The following MTHFD1L variants were observed in gnomAD, a reference collection of about 807,000 sequenced individuals.
The protein encoded by MTHFD1L is methylenetetrahydrofolate dehydrogenase (NADP+ dependent) 1 like.
Under a neutral mutation model 119.5 loss-of-function variants are expected in MTHFD1L, and 81 were observed. The ratio of observed to expected loss-of-function variants is 0.68; its 90% confidence interval spans 0.57 to 0.82. MTHFD1L has a LOEUF of 0.82. Ranked by LOEUF, MTHFD1L falls within the 40% of genes least tolerant of loss-of-function variation. MTHFD1L has a pLI of 0.00. For missense variants in MTHFD1L, 1,125 were observed against 1,253.4 expected, an observed-to-expected ratio of 0.90 and a Z score of 1.55; for synonymous variants, 430 against 475.2, an observed-to-expected ratio of 0.90 and a Z score of 1.24.
intron 26 of MTHFD1L, among the ~76,000 whole-genome samples, chr6:151,078,052 CAAAAA>C (rs71014538): frequency 6.2e-4 from 37 of 59,936 alleles, no homozygotes; most frequent in South Asian, 1.0e-3. Context: ...GACTCTGTCT[CAAAAA>C]AAAAAAAAAA....
At chr6:150,935,081 A>G in intron 11 of MTHFD1L, 2 of 1,613,966 alleles carry the variant, frequency 1.2e-6, no homozygotes, top group Non-Finnish European at 1.7e-6. Flanking sequence ...TGTCTTATAC[A>G]GGCTGCAGTT....
chr6:150,942,511 A>T (rs988973399), intron 13 of MTHFD1L, among the ~76,000 whole-genome samples: 2 of 152,190 alleles, frequency 1.3e-5, no homozygotes, highest in Non-Finnish European at 2.9e-5. Context: ...CCCTAAGGAA[A>T]AAATGAATGT....
Position 150,926,688 on chromosome 6 carries a change from A to G in MTHFD1L, c.1256+393A>G, listed in dbSNP as rs1173915387. Among the ~76,000 whole-genome samples, 2 of 152,182 alleles carry G rather than the reference A, an allele frequency of 1.3e-5. No individual in the cohort carries two copies. Among genetic ancestry groups the G allele is most frequent in the African/African-American group, 2.4e-5 (1 of 41,450 alleles). ...ATATTTTCGTGGAAAAGGTACAGAT[A>G]ATCATATGAAACATGTTTTCCTGTT... On this transcript the variant is annotated intron_variant, in intron 11 of 27. Coordinates refer to ENST00000367321, the MANE Select transcript of MTHFD1L (RefSeq NM_015440.5). The surrounding 1 kb of genome is among the most constrained non-coding windows in gnomAD (Gnocchi z 4.3).
intron 8 of MTHFD1L, among the ~76,000 whole-genome samples, chr6:150,909,281 A>AAC (rs201613382): frequency 2.0e-5 from 3 of 151,422 alleles, no homozygotes; most frequent in Non-Finnish European, 2.9e-5. Flanking sequence ...AAAAAAAAAA[A>AAC]GACAACCAAA....
At chr6:150,913,504 C>G (rs987955266) in intron 8 of MTHFD1L, among the ~76,000 whole-genome samples, 18 of 151,984 alleles carry the variant, frequency 1.2e-4, no homozygotes, top group Non-Finnish European at 2.2e-4. Flanking sequence ...CGAGGTTTCA[C>G]CAGGTTGCTC....
Position 150,906,455 on chromosome 6 carries a change from C to T in MTHFD1L, c.892+694C>T, listed in dbSNP as rs187232650. Among the ~76,000 whole-genome samples the T allele has an allele frequency of 3.2e-3, 485 of 152,276 alleles. 1 individual carries two copies. The highest frequency in any genetic ancestry group is 5.1e-3 in the Non-Finnish European group (349 of 68,028). ...CCAGAGTGGGTTCCTTTTTCCAGTT[C>T]GTAGAAGGACTGAGGCTAAGAAAGC... On this transcript the variant is annotated intron_variant, in intron 8 of 27. Transcript: ENST00000367321.
At chr6:151,016,228 T>G (rs1450746776) in intron 24 of MTHFD1L, among the ~76,000 whole-genome samples, 1 of 152,170 alleles carries the variant, frequency 6.6e-6, no homozygotes, top group Non-Finnish European at 1.5e-5. Flanking sequence ...AGGAGGTACT[T>G]TAGCGAACAG....
intron 21 of MTHFD1L, among the ~76,000 whole-genome samples, chr6:151,010,782 C>A (rs1782100092): frequency 6.6e-6 from 1 of 151,392 alleles, no homozygotes; most frequent in South Asian, 2.1e-4. Flanking sequence ...AATAAAATTT[C>A]TCTATCATAA....
At position 151,059,420 on chromosome 6, in the gene MTHFD1L, G is replaced by A. The variant is rs1208159347; in HGVS notation, c.2847+22303G>A. On this transcript the variant is annotated intron_variant, in intron 26 of 27. Transcript: ENST00000367321. ...TCGAACTCCTGACCTCAGGTGATCC[G>A]CTCACCTCAGCCTCCCAAAGTGCTG... Among the ~76,000 whole-genome samples, 8 of 151,350 alleles carry A rather than the reference G, an allele frequency of 5.3e-5. No homozygotes were observed. The East Asian group carries it at 9.9e-4, about 19-fold the overall frequency.
chr6:150,927,211 G>A (rs1310021330), intron 11 of MTHFD1L, among the ~76,000 whole-genome samples: 1 of 152,038 alleles, frequency 6.6e-6, no homozygotes. Flanking sequence ...TAAAAATTCA[G>A]AAAACAGAAG....
At chr6:150,989,875 A>G (rs1778817161) in intron 20 of MTHFD1L, among the ~76,000 whole-genome samples, 1 of 152,234 alleles carries the variant, frequency 6.6e-6, no homozygotes, top group African/African-American at 2.4e-5. Context: ...GCCACACTAT[A>G]CTATACTGTA....
intron 26 of MTHFD1L, among the ~76,000 whole-genome samples, chr6:151,060,107 G>C (rs1790447561): frequency 1.3e-5 from 2 of 152,160 alleles, no homozygotes; most frequent in African/African-American, 4.8e-5. Context: ...CATTGCCTTG[G>C]GCTGGAATAG....
chr6:150,879,853 T>G (rs1274585406), intron 4 of MTHFD1L, among the ~76,000 whole-genome samples: 3 of 152,122 alleles, frequency 2.0e-5, no homozygotes, highest in Non-Finnish European at 4.4e-5. Flanking sequence ...GTTCTCGAAC[T>G]CCTGACCTCA....
intron 18 of MTHFD1L, among the ~76,000 whole-genome samples, chr6:150,964,583 G>A (rs532603731): frequency 6.6e-6 from 1 of 152,070 alleles, no homozygotes; most frequent in Non-Finnish European, 1.5e-5. Flanking sequence ...CCTTGTTTCT[G>A]TTCTTCACCT....
intron 26 of MTHFD1L, among the ~76,000 whole-genome samples, chr6:151,080,803 C>T (rs572570144): frequency 1.3e-5 from 2 of 152,310 alleles, no homozygotes; most frequent in South Asian, 2.1e-4. Flanking sequence ...CCCTGTATGT[C>T]GTCTTCTCTG....
intron 20 of MTHFD1L, among the ~76,000 whole-genome samples, chr6:150,996,045 T>C (rs540216747): frequency 6.6e-6 from 1 of 152,352 alleles, no homozygotes; most frequent in East Asian, 1.9e-4. Flanking sequence ...TCATCCCTGC[T>C]TTTCAAGGCT....
intron 24 of MTHFD1L, among the ~76,000 whole-genome samples, chr6:151,024,631 C>T (rs1374114684): frequency 6.6e-6 from 1 of 152,148 alleles, no homozygotes; most frequent in Non-Finnish European, 1.5e-5. Flanking sequence ...GAGTTGGAGA[C>T]CAGCCTGGCC....
chr6:150,953,450 T>C (rs1196695042), intron 16 of MTHFD1L, among the ~76,000 whole-genome samples: 1 of 152,216 alleles, frequency 6.6e-6, no homozygotes, highest in African/African-American at 2.4e-5. Context: ...TATATCTCTG[T>C]ACAGCTGGCT....
chr6:151,066,444 A>G (rs1791278595), intron 26 of MTHFD1L, among the ~76,000 whole-genome samples: 2 of 147,066 alleles, frequency 1.4e-5, no homozygotes, highest in African/African-American at 5.0e-5. Flanking sequence ...TCTCAAAAAA[A>G]AAAAAAAAAA....
Sources: gnomAD v4.1 joint callset for allele counts (sites outside exome capture counted in the v4.1 genomes callset) on GRCh38, gnomAD v4.1.1 for gene constraint, Gnocchi (gnomAD v3.1) non-coding constraint, MANE v1.5 for transcripts, NCBI Gene and HGNC (gene_info 2026-07-23, HGNC 2026-07-21) for gene names.